ABAT: variants seen among roughly 807,000 people sequenced by gnomAD.
The protein encoded by ABAT is 4-aminobutyrate aminotransferase, also known as 4-aminobutyrate aminotransferase, mitochondrial.
In ABAT, 45 loss-of-function variants were observed where a neutral mutation model predicts 64.6. The ratio of observed to expected loss-of-function variants is 0.70; its 90% CI spans 0.55 to 0.89. The LOEUF (loss-of-function observed/expected upper bound fraction) is 0.89, where lower values mean the gene tolerates loss of function less well. Ranked by LOEUF, ABAT falls within the 40% of genes least tolerant of loss-of-function variation. ABAT has a pLI of 0.00. For synonymous variants in ABAT, 297 were observed against 250.5 expected (o/e 1.19, Z -1.75); for missense variants, 633 against 658.4 (o/e 0.96, Z 0.42).
At chr16:8,685,528 T>C (rs2057434801) in intron 1 of ABAT, among the ~76,000 whole-genome samples, 1 of 150,972 alleles carries the variant, frequency 6.6e-6, no homozygotes, top group East Asian at 2.0e-4. Flanking sequence ...AAAAAAAAAT[T>C]AGCCTGGCGT....
chr16:8,725,276 T>C (rs571811776), intron 1 of ABAT, among the ~76,000 whole-genome samples: 165 of 152,306 alleles, frequency 1.1e-3, no homozygotes, highest in African/African-American at 3.6e-3. Context: ...TCAGACCCTT[T>C]TAGAACATCC....
chr16:8,740,291 G>A (rs1411223615), intron 2 of ABAT, among the ~76,000 whole-genome samples: 1 of 152,198 alleles, frequency 6.6e-6, no homozygotes, highest in Non-Finnish European at 1.5e-5. Context: ...AGTTTCTGCG[G>A]GTTGGGACTC....
At chr16:8,728,690 A>G (rs2058629436) in intron 1 of ABAT, among the ~76,000 whole-genome samples, 1 of 152,146 alleles carries the variant, frequency 6.6e-6, no homozygotes, top group African/African-American at 2.4e-5. Context: ...TCTGGCCAAC[A>G]TGGTAAAACC....
intron 1 of ABAT, among the ~76,000 whole-genome samples, chr16:8,710,699 A>G (rs2058047614): frequency 1.3e-5 from 1 of 78,972 alleles, no homozygotes; most frequent in African/African-American, 4.4e-5. Flanking sequence ...AGAGACAGAG[A>G]GAGAGAGAGA....
chr16:8,779,394 AG>A, intron 14 of ABAT, 84 bp from the exon 15 acceptor site: 1 of 1,131,080 alleles, frequency 8.8e-7, no homozygotes, highest in Non-Finnish European at 1.3e-6. Context: ...GGACCATGGG[AG>A]GCCTTTGACG....
At chr16:8,755,445 G>T (rs796671086) in intron 5 of ABAT, among the ~76,000 whole-genome samples, 8 of 152,240 alleles carry the variant, frequency 5.3e-5, no homozygotes, top group African/African-American at 1.9e-4. Context: ...CAGGGTGAGA[G>T]CTGTGATTTT....
intron 2 of ABAT, among the ~76,000 whole-genome samples, chr16:8,739,836 T>G (rs1043180232): frequency 3.3e-5 from 5 of 151,842 alleles, no homozygotes; most frequent in Admixed American, 6.6e-5. Context: ...TGGCTGGAGC[T>G]GAATCTTTTT....
chr16:8,762,603 C>T (rs1400935657), intron 6 of ABAT, among the ~76,000 whole-genome samples: 7 of 152,230 alleles, frequency 4.6e-5, no homozygotes, highest in African/African-American at 1.7e-4. Flanking sequence ...CAGATATCTT[C>T]TGTTCTTAAT....
At chr16:8,693,684 G>A (rs972666725) in intron 1 of ABAT, among the ~76,000 whole-genome samples, 4 of 152,204 alleles carry the variant, frequency 2.6e-5, no homozygotes, top group African/African-American at 7.2e-5. Context: ...GGCCAGGCTG[G>A]TCTTGAACTC....
Position 8,735,754 on chromosome 16 carries a change from G to T in ABAT, c.15G>T (p.Leu5Phe). 6.2e-7 allele frequency: 1 copy of T among 1,605,920 alleles called. No homozygotes were observed. The highest frequency in any genetic ancestry group is 8.5e-7 in the Non-Finnish European group (1 of 1,176,480). Reference sequence around the variant, plus strand: ...CTCAAGGGGTCATGGCCTCCATGTTGCTCGCCCAGCGCCTGGCCTGCAGCT... The same window carrying T: ...CTCAAGGGGTCATGGCCTCCATGTTTCTCGCCCAGCGCCTGGCCTGCAGCT... MASMLLAQRLACSFQ... is the reference protein window; with the variant it reads MASMFLAQRLACSFQ... Residue 5 changes from leucine (L) to phenylalanine (F), a missense_variant, in exon 2 of 16, where the codon TTG becomes TTT. By Grantham distance (22) the Leu-to-Phe change is conservative. Transcript: ENST00000268251.
In ABAT at chr16:8,722,930, G is replaced by C. The variant is rs888954306; in HGVS notation, c.-41-12769G>C. 4.2e-6 allele frequency: 5 copies of C among 1,190,190 alleles called. No individual in the cohort carries two copies. In the African/African-American group the frequency reaches 4.7e-5, roughly 11 times the overall value. The allele number at this position is 1,190,190 out of a possible 1,614,324, so 73.7% of individuals were successfully genotyped here. On this transcript the variant is annotated intron_variant, in intron 1 of 15. Coordinates refer to ENST00000268251, the MANE Select transcript of ABAT (RefSeq NM_020686.6). The stretch of plus-strand genomic sequence containing the variant: ...GCTTGTCAGGTGTTTCTTAGAGTCC[G>C]AACGGGCCTTAGAAACAATGTGATC...
At chr16:8,779,090 T>C (rs2060353009) in intron 14 of ABAT, among the ~76,000 whole-genome samples, 1 of 152,206 alleles carries the variant, frequency 6.6e-6, no homozygotes, top group Non-Finnish European at 1.5e-5. Flanking sequence ...GCCCCAGGCT[T>C]AGGACTTAAC....
rs1292109941 is a variant in ABAT at position 8,781,356 on chromosome 16, A to G, written c.1429A>G (p.Thr477Ala). 1.2e-6 allele frequency: 2 copies of G among 1,614,012 alleles called. No homozygotes were observed. The highest frequency in any genetic ancestry group is 1.1e-5 in the South Asian group (1 of 91,088). The change falls in exon 16 of 16, where the codon ACG becomes GCG. Residue 477 changes from threonine to alanine, a missense_variant. Transcript: ENST00000268251. This position sits in a 1 kb window ranked among gnomAD's most constrained non-coding sequence, Gnocchi z 4.5. ...TGACAAATCCATTCGTTTCCGTCCC[A>G]CGCTGGTCTTCAGGGATCACCACGC... ...CGDKSIRFRP[T>A]LVFRDHHAHL...
At chr16:8,754,023 G>T (rs970149709) in intron 5 of ABAT, among the ~76,000 whole-genome samples, 2 of 151,826 alleles carry the variant, frequency 1.3e-5, no homozygotes, top group African/African-American at 4.8e-5. Context: ...TCAACCTCTG[G>T]CCACATTGAC....
At chr16:8,733,097 G>A (rs553199944) in intron 1 of ABAT, among the ~76,000 whole-genome samples, 1,591 of 147,838 alleles carry the variant, frequency 0.011, 56 homozygotes, top group African/African-American at 0.023. Context: ...CCTCCCTCCC[G>A]GATGGGGCGG....
At chr16:8,684,722 CA>C (rs35012807) in intron 1 of ABAT, among the ~76,000 whole-genome samples, 67,930 of 121,424 alleles carry the variant, frequency 0.56, 17,566 homozygotes, top group East Asian at 0.74. Flanking sequence ...GATCCTGTCT[CA>C]AAAAAAAAAA....
chr16:8,727,837 G>A (rs2058602322), intron 1 of ABAT, among the ~76,000 whole-genome samples: 1 of 152,238 alleles, frequency 6.6e-6, no homozygotes, highest in African/African-American at 2.4e-5. Context: ...GGGAGTCCAA[G>A]ATGGTAGGAT....
intron 1 of ABAT, among the ~76,000 whole-genome samples, chr16:8,724,151 T>C (rs1452903647): frequency 6.6e-6 from 1 of 151,908 alleles, no homozygotes; most frequent in Admixed American, 6.6e-5. Flanking sequence ...CCAAGCTTTA[T>C]ATTCTAAAAC....
At position 8,776,496 on chromosome 16, in the gene ABAT, A is replaced by G. The variant is rs372790444; in HGVS notation, c.1269+6A>G. 151 of 1,604,286 alleles carry G rather than the reference A, an allele frequency of 9.4e-5. No individual in the cohort carries two copies. The highest frequency in any genetic ancestry group is 1.2e-4 in the Non-Finnish European group (136 of 1,176,470). On this transcript the variant is annotated splice_donor_region_variant and intron_variant, in intron 14 of 15. Coordinates refer to ENST00000268251, the MANE Select transcript of ABAT (RefSeq NM_020686.6). This position sits in a 1 kb window ranked among gnomAD's most constrained non-coding sequence, Gnocchi z 4.4. ...CAGGACTGCTGGACCTCCAGGTAAC[A>G]CCCCCTCCCCTGCCCCGCCCCCACC...
Sources: gnomAD v4.1 joint callset for allele counts (sites outside exome capture counted in the v4.1 genomes callset) on GRCh38, gnomAD v4.1.1 for gene constraint, Gnocchi (gnomAD v3.1) non-coding constraint, MANE v1.5 for transcripts, NCBI Gene and HGNC (gene_info 2026-07-23, HGNC 2026-07-21) for gene names.